Variants in CSGALNACT1 observed in about 807,000 individuals in gnomAD.
The protein encoded by CSGALNACT1 is chondroitin sulfate N-acetylgalactosaminyltransferase 1.
In CSGALNACT1, 52 loss-of-function variants were observed where a neutral mutation model predicts 51.0. The observed-to-expected ratio is 1.02, with a 90% CI of 0.82 to 1.29. CSGALNACT1 has a LOEUF of 1.29. Ranked by LOEUF, CSGALNACT1 falls within the 50% of genes most tolerant of loss-of-function variation. The pLI, the probability that CSGALNACT1 is intolerant of heterozygous loss-of-function variation, is 0.00. For synonymous variants in CSGALNACT1, 341 were observed against 254.4 expected, an observed-to-expected ratio of 1.34 and a Z score of -3.24; for missense variants, 935 against 679.2, an observed-to-expected ratio of 1.38 and a Z score of -4.19.
In CSGALNACT1 at chr8:19,408,668, C is replaced by T. The variant is rs867277755; in HGVS notation, c.1254G>A (p.Trp418Ter). Residue 418 changes from tryptophan (W) to a stop codon, truncating the protein, a stop_gained, in exon 9 of 10, where the codon TGG (tryptophan) becomes TGA (stop). Transcript: ENST00000454498. LOFTEE classifies it high-confidence loss of function. ...ACGTCATCCCAAATCCAAAGTCTCTCCAAAATCCAGTTTCCTTCTTTATGA... is the reference window on the plus strand; with the variant it reads ...ACGTCATCCCAAATCCAAAGTCTCTTCAAAATCCAGTTTCCTTCTTTATGA... 6.2e-7 allele frequency: 1 copy of T among 1,613,794 alleles called. No individual in the cohort carries two copies. The highest frequency in any genetic ancestry group is 1.1e-5 in the South Asian group (1 of 91,060).
chr8:19,755,987 T>C (rs1333278846), intron 1 of CSGALNACT1, among the ~76,000 whole-genome samples: 1 of 152,198 alleles, frequency 6.6e-6, no homozygotes, highest in Admixed American at 6.5e-5. Context: ...CTGTGTATTA[T>C]GCACTATTAC....
intron 1 of CSGALNACT1, among the ~76,000 whole-genome samples, chr8:19,700,650 C>G (rs1416629968): frequency 6.6e-6 from 1 of 152,140 alleles, no homozygotes; most frequent in Non-Finnish European, 1.5e-5. Flanking sequence ...ATCCGATGTT[C>G]CTATCTCTTT....
At chr8:19,410,933 G>C (rs1385402363) in intron 8 of CSGALNACT1, among the ~76,000 whole-genome samples, 3 of 152,248 alleles carry the variant, frequency 2.0e-5, no homozygotes, top group Non-Finnish European at 4.4e-5. Context: ...CTCAATAGCA[G>C]TCTGGCGGGA....
At chr8:19,541,260 T>TC (rs1164846815) in intron 3 of CSGALNACT1, among the ~76,000 whole-genome samples, 2 of 148,248 alleles carry the variant, frequency 1.3e-5, no homozygotes, top group African/African-American at 5.0e-5. Context: ...TTTTTTTTTT[T>TC]TTTTTTTTGA....
intron 2 of CSGALNACT1, among the ~76,000 whole-genome samples, chr8:19,592,686 A>G (rs1488016393): frequency 2.4e-4 from 36 of 152,216 alleles, no homozygotes; most frequent in Admixed American, 2.4e-3. Context: ...CCTGGAAGGC[A>G]GAGGCTGCAG....
chr8:19,561,656 A>G (rs1267015561), intron 3 of CSGALNACT1, among the ~76,000 whole-genome samples: 2 of 152,234 alleles, frequency 1.3e-5, no homozygotes, highest in Non-Finnish European at 2.9e-5. Flanking sequence ...AAACAAGTAC[A>G]TGGCAGAAGG....
intron 5 of CSGALNACT1, among the ~76,000 whole-genome samples, chr8:19,447,892 T>C (rs1487709692): frequency 6.6e-6 from 1 of 152,204 alleles, no homozygotes; most frequent in African/African-American, 2.4e-5. Flanking sequence ...AACAAAACTA[T>C]GAGGATACTG....
At position 19,590,571 on chromosome 8, in the gene CSGALNACT1, T is replaced by A. The variant is rs564272012; in HGVS notation, c.-297+589A>T. Among the ~76,000 whole-genome samples, 4 of 152,146 alleles carry A rather than the reference T, an allele frequency of 2.6e-5. No homozygotes were observed. The South Asian group carries it at 8.3e-4, about 32-fold the overall frequency. ...TCAAACTATTATTTTTTCCAATTTA[T>A]TGTATTATTTTCTCAAACAGCTTCT... On this transcript the variant is annotated intron_variant, in intron 3 of 9. Coordinates refer to ENST00000454498, the Ensembl canonical transcript of CSGALNACT1.
intron 1 of CSGALNACT1, among the ~76,000 whole-genome samples, chr8:19,654,113 G>A (rs1321601470): frequency 6.6e-6 from 1 of 152,194 alleles, no homozygotes; most frequent in Non-Finnish European, 1.5e-5. Flanking sequence ...CACACGAACT[G>A]ACTGCTTTCA....
At chr8:19,456,106 G>T (rs2064030919) in intron 5 of CSGALNACT1, among the ~76,000 whole-genome samples, 2 of 152,254 alleles carry the variant, frequency 1.3e-5, no homozygotes, top group African/African-American at 4.8e-5. Flanking sequence ...CCCGTTTTGA[G>T]GCTTGTAAGC....
chr8:19,604,481 C>T (rs2051068870), upstream of CSGALNACT1, among the ~76,000 whole-genome samples: 1 of 152,192 alleles, frequency 6.6e-6, no homozygotes, highest in South Asian at 2.1e-4. Context: ...CTACTAGGCT[C>T]ATACGTGGTG....
intron 3 of CSGALNACT1, among the ~76,000 whole-genome samples, chr8:19,521,356 T>C (rs958775413): frequency 6.6e-6 from 1 of 151,870 alleles, no homozygotes; most frequent in African/African-American, 2.4e-5. Flanking sequence ...GTACACCAAT[T>C]ACATGAGGAG....
exon 10 of CSGALNACT1, chr8:19,405,980 T>C: frequency 6.2e-7 from 1 of 1,614,142 alleles, no homozygotes; most frequent in Non-Finnish European, 8.5e-7. Flanking sequence ...CGCACAGGCG[T>C]CCGTACCACT....
At chr8:19,592,798 A>G (rs1006961063) in intron 2 of CSGALNACT1, among the ~76,000 whole-genome samples, 2 of 152,158 alleles carry the variant, frequency 1.3e-5, no homozygotes, top group African/African-American at 2.4e-5. Context: ...AAAAAAGGGA[A>G]ATGATGTAAA....
chr8:19,721,271 C>T (rs1034902741), intron 1 of CSGALNACT1, among the ~76,000 whole-genome samples: 1 of 152,164 alleles, frequency 6.6e-6, no homozygotes, highest in Non-Finnish European at 1.5e-5. Flanking sequence ...TCTCCAGGCC[C>T]ATGCAACAAG....
chr8:19,550,584 G>T (rs2087760618), intron 3 of CSGALNACT1, among the ~76,000 whole-genome samples: 1 of 151,634 alleles, frequency 6.6e-6, no homozygotes, highest in African/African-American at 2.4e-5. Flanking sequence ...TATTTATTTG[G>T]TCTCATTCCT....
intron 5 of CSGALNACT1, among the ~76,000 whole-genome samples, chr8:19,446,959 C>T (rs555591112): frequency 5.3e-5 from 8 of 152,296 alleles, no homozygotes; most frequent in African/African-American, 1.9e-4. Flanking sequence ...AGTACAGAGG[C>T]TAATTAAGAT....
At chr8:19,408,501 G>C (rs1194419081) in intron 9 of CSGALNACT1, 112 bp downstream of exon 8, 1 of 250,714 alleles carries the variant, frequency 4.0e-6, no homozygotes, top group Non-Finnish European at 7.2e-6. Flanking sequence ...TTTTTTTGAA[G>C]GCAATGGTAC....
chr8:19,561,889 G>A (rs1421645686), intron 3 of CSGALNACT1, among the ~76,000 whole-genome samples: 1 of 152,180 alleles, frequency 6.6e-6, no homozygotes, highest in African/African-American at 2.4e-5. Flanking sequence ...CCCAAGCCAG[G>A]CCCAGATGGG....
Sources: gnomAD v4.1 joint callset for allele counts (sites outside exome capture counted in the v4.1 genomes callset) on GRCh38, gnomAD v4.1.1 for gene constraint, MANE v1.5 for transcripts, NCBI Gene and HGNC (gene_info 2026-07-23, HGNC 2026-07-21) for gene names.